The following NFIB variants were observed in gnomAD, a reference collection of about 807,000 sequenced individuals.
NFIB encodes nuclear factor 1 B-type.
A neutral mutation model predicts 61.5 loss-of-function variants in NFIB; 11 were observed. The ratio of observed to expected loss-of-function variants is 0.18; its 90% CI spans 0.11 to 0.30. NFIB has a LOEUF of 0.30. Among genes scored for constraint, NFIB ranks in the 10% least tolerant of loss-of-function variants. NFIB has a pLI of 1.00. For synonymous variants in NFIB, 260 were observed against 216.5 expected (o/e 1.20, Z -1.76); for missense variants, 471 against 608.9 (o/e 0.77, Z 2.38).
intron 2 of NFIB, among the ~76,000 whole-genome samples, chr9:14,189,505 G>C (rs1252619324): frequency 6.6e-6 from 1 of 151,852 alleles, no homozygotes; most frequent in African/African-American, 2.4e-5. Flanking sequence ...TCACACAACA[G>C]TGAAATATGC....
At chr9:14,224,466 A>C (rs1023148451) in intron 2 of NFIB, among the ~76,000 whole-genome samples, 16 of 152,252 alleles carry the variant, frequency 1.1e-4, no homozygotes, top group Non-Finnish European at 1.9e-4. Context: ...ATGTACATAC[A>C]CATGGGCTCC....
At chr9:14,382,216 G>A (rs766299716) in intron 1 of NFIB, among the ~76,000 whole-genome samples, 77 of 152,140 alleles carry the variant, frequency 5.1e-4, no homozygotes, top group African/African-American at 1.7e-3. Context: ...CCTCTGGAAG[G>A]CAATTCTTTT....
chr9:14,403,633 T>C (rs966363137), upstream of NFIB, among the ~76,000 whole-genome samples: 2 of 151,914 alleles, frequency 1.3e-5, no homozygotes, highest in African/African-American at 2.4e-5. Flanking sequence ...GACATGGTAA[T>C]GCATGCCATA....
At chr9:14,470,461 A>G in the NFIB span, among the ~76,000 whole-genome samples, 636 of 152,272 alleles carry the variant, frequency 4.2e-3, 8 homozygotes, top group Admixed American at 0.032. Flanking sequence ...CCCCTGAAAA[A>G]GAGAATTTGA....
chr9:14,453,032 C>T, the NFIB span, among the ~76,000 whole-genome samples: 1 of 152,208 alleles, frequency 6.6e-6, no homozygotes, highest in Admixed American at 6.5e-5. Flanking sequence ...TCTTAAGAAA[C>T]CTCATGGGTG....
chr9:14,133,716 G>A (rs1308550507), intron 6 of NFIB, among the ~76,000 whole-genome samples: 1 of 152,186 alleles, frequency 6.6e-6, no homozygotes, highest in Non-Finnish European at 1.5e-5. Flanking sequence ...ATTTATAAGT[G>A]TATGAGTGTT....
At chr9:14,381,658 A>AT (rs34327696) in intron 1 of NFIB, among the ~76,000 whole-genome samples, 2 of 152,162 alleles carry the variant, frequency 1.3e-5, no homozygotes, top group Non-Finnish European at 2.9e-5. Flanking sequence ...GGAAGAAGAA[A>AT]TTTTTTTACC....
intron 1 of NFIB, among the ~76,000 whole-genome samples, chr9:14,359,641 C>G (rs2061215762): frequency 6.6e-6 from 1 of 152,112 alleles, no homozygotes; most frequent in Admixed American, 6.6e-5. Flanking sequence ...CCATAAGAAA[C>G]TATTAATAAT....
chr9:14,082,425 C>T lies in NFIB; in HGVS notation c.*5884G>A, dbSNP rs2032096795. The T allele has an allele frequency of 4.9e-6, 1 of 203,396 alleles. No homozygotes were observed. 12.6% of individuals were successfully genotyped at this position (203,396 alleles called of 1,614,324 possible). A position where few individuals can be genotyped will look rare whatever the true frequency, so the allele number is the denominator to read the frequency against. ...TCATTGAGGTGGGGGCAGCTCTTCC[C>T]AGGATGCTAAAAGTTCTATATGATA... On this transcript the variant is annotated 3_prime_UTR_variant, in exon 11 of 11. Coordinates refer to ENST00000380953, the MANE Select transcript of NFIB (RefSeq NM_001190737.2).
the NFIB span, among the ~76,000 whole-genome samples, chr9:14,481,394 T>A: frequency 6.6e-6 from 1 of 150,514 alleles, no homozygotes; most frequent in Non-Finnish European, 1.5e-5. Context: ...ATTTCCCTCC[T>A]GCTGTTTCCT....
chr9:14,258,835 T>C lies in NFIB; in HGVS notation c.562+48154A>G, dbSNP rs116173674. On this transcript the variant is annotated intron_variant, in intron 2 of 10. Coordinates refer to ENST00000380953, the MANE Select transcript of NFIB (RefSeq NM_001190737.2). The stretch of plus-strand genomic sequence containing the variant: ...AAATACATAAACACACATGTATACG[T>C]GCACACAACACACTTGCTCAACTTG... Among the ~76,000 whole-genome samples the C allele has an allele frequency of 7.1e-3, 1,075 of 152,314 alleles. 17 individuals are homozygous for C. The highest frequency in any genetic ancestry group is 0.024 in the African/African-American group (984 of 41,552).
intron 1 of NFIB, chr9:14,357,979 G>C (rs2061195760): frequency 6.6e-6 from 1 of 152,192 alleles, no homozygotes; most frequent in Non-Finnish European, 1.5e-5. Context: ...ATTGGCTAGA[G>C]CTTGGGGAGA....
At chr9:14,226,089 G>C (rs1210166050) in intron 2 of NFIB, among the ~76,000 whole-genome samples, 1 of 147,668 alleles carries the variant, frequency 6.8e-6, no homozygotes, top group African/African-American at 2.6e-5. Context: ...ATTTTAAAGA[G>C]CATTTTTTTT....
intron 7 of NFIB, among the ~76,000 whole-genome samples, chr9:14,125,144 T>A (rs1467354543): frequency 6.6e-6 from 1 of 152,172 alleles, no homozygotes; most frequent in Non-Finnish European, 1.5e-5. Flanking sequence ...TATTTACTTG[T>A]ATGACTTTGA....
chr9:14,286,360 C>T (rs983515345), intron 2 of NFIB, among the ~76,000 whole-genome samples: 2 of 152,174 alleles, frequency 1.3e-5, no homozygotes, highest in African/African-American at 2.4e-5. Context: ...GACACATTTC[C>T]AACCTCCTGC....
At chr9:14,422,355 G>C in the NFIB span, among the ~76,000 whole-genome samples, 26 of 152,262 alleles carry the variant, frequency 1.7e-4, no homozygotes, top group African/African-American at 6.3e-4. Flanking sequence ...TCTTCCAAAA[G>C]GCCTGAATGT....
chr9:14,165,046 A>C (rs2131305646), intron 3 of NFIB, among the ~76,000 whole-genome samples: 1 of 152,316 alleles, frequency 6.6e-6, no homozygotes, highest in East Asian at 1.9e-4. Flanking sequence ...CAGAATCCAC[A>C]GCTTAATGAG....
At chr9:14,160,831 C>CAAAAAAAAAAAAAAAAAAAAAA (rs36063048) in intron 3 of NFIB, among the ~76,000 whole-genome samples, 6 of 96,314 alleles carry the variant, frequency 6.2e-5, no homozygotes, top group African/African-American at 1.2e-4. Flanking sequence ...AAGGAAATCT[C>CAAAAAAAAAAAAAAAAAAAAAA]AAAAAAAAAA....
intron 2 of NFIB, among the ~76,000 whole-genome samples, chr9:14,225,273 T>G (rs1409139411): frequency 6.6e-6 from 1 of 151,914 alleles, no homozygotes; most frequent in African/African-American, 2.4e-5. Flanking sequence ...ATCCCATTCT[T>G]AAGAAGCCAG....
Sources: gnomAD v4.1 joint callset for allele counts (sites outside exome capture counted in the v4.1 genomes callset) on GRCh38, gnomAD v4.1.1 for gene constraint, MANE v1.5 for transcripts, NCBI Gene and HGNC (gene_info 2026-07-23, HGNC 2026-07-21) for gene names.